The following ITPR1 variants were observed in gnomAD, a reference collection of about 807,000 sequenced individuals.
ITPR1 encodes the protein inositol 1,4,5-trisphosphate receptor type 1.
ITPR1 carries 96 observed loss-of-function variants against 318.4 expected under a neutral mutation model. The observed-to-expected ratio is 0.30, with a 90% CI of 0.26 to 0.36. ITPR1 has a LOEUF of 0.36. Ranked by LOEUF, ITPR1 falls within the 10% of genes least tolerant of loss-of-function variation. The pLI, the probability that ITPR1 is intolerant of heterozygous loss-of-function variation, is 1.00. For missense variants in ITPR1, 2,440 were observed against 3,460.2 expected, an observed-to-expected ratio of 0.71 and a Z score of 7.40; for synonymous variants, 1,312 against 1,289.9, an observed-to-expected ratio of 1.02 and a Z score of -0.37.
chr3:4,589,109 G>C (rs2090168250), intron 4 of ITPR1, among the ~76,000 whole-genome samples: 1 of 152,126 alleles, frequency 6.6e-6, no homozygotes, highest in Admixed American at 6.6e-5. Context: ...GGTTGCTTGA[G>C]CTCAGGAGTT....
chr3:4,641,071 G>A (rs1317688225), intron 6 of ITPR1, among the ~76,000 whole-genome samples: 1 of 152,200 alleles, frequency 6.6e-6, no homozygotes, highest in Non-Finnish European at 1.5e-5. Context: ...AGCTGTATCT[G>A]TTACATGTGA....
intron 4 of ITPR1, among the ~76,000 whole-genome samples, chr3:4,609,383 G>C: frequency 6.6e-6 from 1 of 152,002 alleles, no homozygotes; most frequent in East Asian, 1.9e-4. Context: ...CATGAAATAA[G>C]AAAGCAGCTT....
chr3:4,717,932 G>A (rs912771637), intron 40 of ITPR1, among the ~76,000 whole-genome samples: 18 of 152,132 alleles, frequency 1.2e-4, no homozygotes, highest in Non-Finnish European at 2.1e-4. Flanking sequence ...CTTTCCATCC[G>A]CAGGCTCACC....
intron 54 of ITPR1, among the ~76,000 whole-genome samples, chr3:4,804,449 A>T (rs1002898897): frequency 9.9e-5 from 15 of 152,210 alleles, no homozygotes; most frequent in Admixed American, 9.8e-4. Flanking sequence ...AGAGGTGGGG[A>T]TGGAAGCCAG....
chr3:4,675,923 T>C (rs2094175348), intron 23 of ITPR1, among the ~76,000 whole-genome samples: 1 of 152,210 alleles, frequency 6.6e-6, no homozygotes, highest in Non-Finnish European at 1.5e-5. Context: ...ATTTCCATTT[T>C]GTAGATGAGG....
chr3:4,521,917 G>C (rs1383194592), intron 4 of ITPR1, among the ~76,000 whole-genome samples: 1 of 152,160 alleles, frequency 6.6e-6, no homozygotes, highest in African/African-American at 2.4e-5. Flanking sequence ...AGGCAGGGCA[G>C]CTTTTCTACC....
At chr3:4,509,794 C>T (rs968958673) in intron 2 of ITPR1, among the ~76,000 whole-genome samples, 5 of 152,266 alleles carry the variant, frequency 3.3e-5, no homozygotes, top group Admixed American at 1.3e-4. Flanking sequence ...GAGACCATAA[C>T]TCTAAAAAAC....
intron 52 of ITPR1, among the ~76,000 whole-genome samples, chr3:4,790,466 A>C (rs1015471713): frequency 2.6e-5 from 4 of 152,270 alleles, no homozygotes; most frequent in African/African-American, 7.2e-5. Context: ...TTGTCAGCTG[A>C]AAGATTTTAA....
intron 37 of ITPR1, among the ~76,000 whole-genome samples, chr3:4,709,898 C>T (rs2041225539): frequency 6.6e-6 from 1 of 152,080 alleles, no homozygotes. Context: ...CCAGAGAAAA[C>T]CAGTAGTAAT....
chr3:4,654,523 G>T (rs1421010449), intron 12 of ITPR1, among the ~76,000 whole-genome samples: 1 of 152,224 alleles, frequency 6.6e-6, no homozygotes, highest in Non-Finnish European at 1.5e-5. Context: ...GGTTGAAGAA[G>T]GCAGCGGTTG....
intron 59 of ITPR1, among the ~76,000 whole-genome samples, chr3:4,815,759 T>C (rs2049253308): frequency 1.3e-5 from 2 of 152,162 alleles, no homozygotes; most frequent in Admixed American, 6.5e-5. Flanking sequence ...TTATTCATAA[T>C]ATAGCTACTA....
intron 2 of ITPR1, among the ~76,000 whole-genome samples, chr3:4,504,531 G>A (rs1341061100): frequency 2.0e-5 from 3 of 152,214 alleles, no homozygotes; most frequent in Non-Finnish European, 4.4e-5. Flanking sequence ...TGATGATGGG[G>A]ACATGCTGCA....
chr3:4,738,560 A>C (rs370982613), intron 44 of ITPR1, among the ~76,000 whole-genome samples: 2 of 152,256 alleles, frequency 1.3e-5, no homozygotes, highest in Admixed American at 6.5e-5. Flanking sequence ...AAGGACTAAC[A>C]ATGAAGTATA....
intron 4 of ITPR1, among the ~76,000 whole-genome samples, chr3:4,584,949 G>A (rs773980489): frequency 5.3e-5 from 8 of 152,198 alleles, no homozygotes; most frequent in Non-Finnish European, 1.0e-4. Flanking sequence ...GAGAAAAACA[G>A]AAGGGTAGCT....
intron 42 of ITPR1, among the ~76,000 whole-genome samples, chr3:4,732,604 G>A (rs1412920984): frequency 2.6e-5 from 4 of 151,970 alleles, no homozygotes; most frequent in Non-Finnish European, 5.9e-5. Context: ...TTGGCCCATC[G>A]ACTATTTTTG....
At chr3:4,602,528 G>A (rs1329231917) in intron 4 of ITPR1, among the ~76,000 whole-genome samples, 48 of 106,766 alleles carry the variant, frequency 4.5e-4, no homozygotes, top group East Asian at 7.1e-4. Flanking sequence ...GACCCTCTCA[G>A]AAAAAAAAAA....
rs192105732 is a variant in ITPR1 at position 4,744,862 on chromosome 3, C to T, written c.5544+9508C>T. The stretch of plus-strand genomic sequence containing the variant: ...GGAATTCAGGGAAACAGGCTGGGGC[C>T]TCCCTCCCTCCCTTCCTCCCTCTCT... On this transcript the variant is annotated intron_variant, in intron 44 of 61. Coordinates refer to ENST00000649015, the MANE Select transcript of ITPR1 (RefSeq NM_001378452.1). Among the ~76,000 whole-genome samples, 5 of 151,996 alleles carry T rather than the reference C, an allele frequency of 3.3e-5. No homozygotes were observed. The East Asian group carries it at 9.6e-4, about 29-fold the overall frequency.
chr3:4,566,572 A>G (rs886667463), intron 4 of ITPR1, among the ~76,000 whole-genome samples: 1 of 149,834 alleles, frequency 6.7e-6, no homozygotes, highest in African/African-American at 2.5e-5. Context: ...AGCCAGGACT[A>G]TTTGGCCCAG....
intron 4 of ITPR1, among the ~76,000 whole-genome samples, chr3:4,536,449 T>C (rs2083882132): frequency 6.6e-6 from 1 of 152,234 alleles, no homozygotes; most frequent in South Asian, 2.1e-4. Flanking sequence ...GGCAAGACTC[T>C]TAGAAACACA....
Sources: gnomAD v4.1 joint callset for allele counts (sites outside exome capture counted in the v4.1 genomes callset) on GRCh38, gnomAD v4.1.1 for gene constraint, MANE v1.5 for transcripts, NCBI Gene and HGNC (gene_info 2026-07-23, HGNC 2026-07-21) for gene names.